Variants in AKAP11 observed in about 807,000 individuals in gnomAD.
AKAP11 encodes the protein A-kinase anchor protein 11.
A neutral mutation model predicts 146.1 loss-of-function variants in AKAP11; 36 were observed. The observed-to-expected ratio is 0.25, with a 90% confidence interval of 0.19 to 0.33. AKAP11 has a LOEUF of 0.33. AKAP11 is among the 10% of genes least tolerant of loss of function. The pLI is 1.00. For synonymous variants in AKAP11, 780 were observed against 786.5 expected (o/e 0.99, Z 0.14); for missense variants, 2,201 against 2,197.0 (o/e 1.00, Z -0.04).
chr13:42,302,158 CCTT>C lies in AKAP11; in HGVS notation c.3415_3417del (p.Ser1139del), dbSNP rs1268498186. The C allele has an allele frequency of 1.2e-6, 2 of 1,614,188 alleles. No individual in the cohort carries two copies. Among genetic ancestry groups the C allele is most frequent in the Middle Eastern group, 1.7e-4 (1 of 6,060 alleles). ...CAAAGAGTTTGCACCTGCTACACCACCTTCTACTCCACACAACTCATCTGTTGG... is the reference window on the plus strand; with the variant it reads ...CAAAGAGTTTGCACCTGCTACACCACCTACTCCACACAACTCATCTGTTGG... On this transcript the variant is annotated inframe_deletion, in exon 8 of 13. Coordinates refer to ENST00000025301, the MANE Select transcript of AKAP11 (RefSeq NM_016248.4).
rs1959473752 is a variant in AKAP11, at chr13:42,295,714, A to G, written c.188A>G (p.Asn63Ser). 6.2e-7 allele frequency: 1 copy of G among 1,611,008 alleles called. No individual in the cohort carries two copies. The highest frequency in any genetic ancestry group is 2.2e-5 in the East Asian group (1 of 44,816). The change falls in exon 5 of 13, where the codon AAT (asparagine) becomes AGT (serine). Residue 63 changes from asparagine (N) to serine (S), a missense_variant. Asn to Ser is a conservative substitution (Grantham distance 46). This residue lies in a region of AKAP11 where 331 missense variants were observed against 347.4 expected (regional missense o/e 0.95). Coordinates refer to ENST00000025301, the MANE Select transcript of AKAP11 (RefSeq NM_016248.4). ...NLTEVTFLGF[N>S]EETDAAHIQD... ...ACTCAGGTCACATTTCTGGGTTTTA[A>G]TGAAGAGACAGATGCTGCTCATATA...
chr13:42,297,318 G>C (rs1467095216), intron 6 of AKAP11, 136 bp downstream of exon 6: 2 of 606,424 alleles, frequency 3.3e-6, no homozygotes, highest in Non-Finnish European at 5.1e-6. Flanking sequence ...TGATTCATAA[G>C]AAATATAACT....
At position 42,302,096 on chromosome 13, in the gene AKAP11, T is replaced by A; in HGVS notation, c.3350T>A (p.Ile1117Asn). ...TCCCGGGCTAGTTCTGAATGGGATA[T>A]CAAGAAGTTAACTAAAAAGCTCAAG... is the stretch of plus-strand genomic sequence containing the variant. ...VPSRASSEWD[I>N]KKLTKKLKGE... Residue 1117 changes from isoleucine to asparagine, a missense_variant, in exon 8 of 13, where the codon ATC becomes AAC. By Grantham distance (149) the Ile-to-Asn change is moderately radical. Around this residue, in one of 3 missense-constraint regions of AKAP11, gnomAD observed 1,867 missense variants for 1,833.5 expected, o/e 1.02. Transcript: ENST00000025301. 6.2e-7 allele frequency: 1 copy of A among 1,614,144 alleles called. No individual in the cohort carries two copies. Among genetic ancestry groups the A allele is most frequent in the Non-Finnish European group, 8.5e-7 (1 of 1,180,020 alleles).
chr13:42,309,452 A>G (rs930049165), intron 9 of AKAP11, among the ~76,000 whole-genome samples: 1 of 152,208 alleles, frequency 6.6e-6, no homozygotes, highest in Non-Finnish European at 1.5e-5. Context: ...GGAAATGGCA[A>G]ACTAGGTGTG....
At chr13:42,303,993 C>G in intron 8 of AKAP11, 130 bp downstream of exon 8, 1 of 1,182,902 alleles carries the variant, frequency 8.5e-7, no homozygotes. Flanking sequence ...TTCCCTGTTG[C>G]ATTTATGTAT....
chr13:42,303,848 G>T lies in AKAP11; in HGVS notation c.5102G>T (p.Gly1701Val). Reference protein sequence around the residue: ...ETMTAAVTNVGHAVSSSKEIE... With the variant: ...ETMTAAVTNVVHAVSSSKEIE... ...ATGACAGCAGCTGTCACAAATGTTGGGCATGCTGTTAGCAGGTAAGTTTCA... is the reference window on the plus strand; with the variant it reads ...ATGACAGCAGCTGTCACAAATGTTGTGCATGCTGTTAGCAGGTAAGTTTCA... Residue 1701 changes from glycine to valine, a missense_variant, in exon 8 of 13, where the codon GGG becomes GTG. Gly to Val is a moderately radical substitution (Grantham distance 109). Coordinates refer to ENST00000025301, the MANE Select transcript of AKAP11 (RefSeq NM_016248.4). The T allele has an allele frequency of 6.3e-7, 1 of 1,579,292 alleles. No individual in the cohort carries two copies. Among genetic ancestry groups the T allele is most frequent in the Non-Finnish European group, 8.6e-7 (1 of 1,164,394 alleles).
upstream of AKAP11, among the ~76,000 whole-genome samples, chr13:42,271,541 C>A (rs1958768130): frequency 6.6e-6 from 1 of 152,196 alleles, no homozygotes; most frequent in South Asian, 2.1e-4. Context: ...GTGGGGCTGC[C>A]ACTTTGGGAA....
chr13:42,277,043 ATTTTAGT>A (rs919700131), intron 1 of AKAP11, among the ~76,000 whole-genome samples: 1 of 152,238 alleles, frequency 6.6e-6, no homozygotes, highest in Non-Finnish European at 1.5e-5. Flanking sequence ...CAATCTCAAG[ATTTTAGT>A]TTTTTGTTGT....
At chr13:42,275,508 A>G (rs1418145074) in intron 1 of AKAP11, among the ~76,000 whole-genome samples, 1 of 152,254 alleles carries the variant, frequency 6.6e-6, no homozygotes, top group African/African-American at 2.4e-5. Flanking sequence ...TAAACTGGCC[A>G]TGCCAACATA....
rs1960888543 is a variant in AKAP11 at position 42,317,705 on chromosome 13, C to T, written c.5565+17C>T. 1 of 1,609,770 alleles carries T rather than the reference C, an allele frequency of 6.2e-7. No homozygotes were observed. Among genetic ancestry groups the T allele is most frequent in the African/African-American group, 1.3e-5 (1 of 74,742 alleles). On this transcript the variant is annotated intron_variant, in intron 12 of 12. Coordinates refer to ENST00000025301, the MANE Select transcript of AKAP11 (RefSeq NM_016248.4). ...TTTATGCTAGTAAGTACCTACCTTA[C>T]AGAGTGTGAGGATACATTTAACAGT... is the stretch of plus-strand genomic sequence containing the variant.
At chr13:42,299,085 T>A (rs1033419414) in intron 7 of AKAP11, among the ~76,000 whole-genome samples, 11 of 152,084 alleles carry the variant, frequency 7.2e-5, no homozygotes, top group Non-Finnish European at 1.5e-4. Flanking sequence ...TTTGGAAGAG[T>A]TAGCTGGCAG....
chr13:42,315,191 C>T (rs1960762237), intron 11 of AKAP11, among the ~76,000 whole-genome samples: 2 of 152,070 alleles, frequency 1.3e-5, no homozygotes, highest in South Asian at 4.1e-4. Context: ...AGTTTAACAC[C>T]TTGTTTAGGG....
Position 42,301,433 on chromosome 13 carries a change from TTA to T in AKAP11, c.2688_2689del (p.Thr897LysfsTer4). 1 of 1,613,138 alleles carries T rather than the reference TTA, an allele frequency of 6.2e-7. No individual in the cohort carries two copies. The highest frequency in any genetic ancestry group is 8.5e-7 in the Non-Finnish European group (1 of 1,179,752). On this transcript the variant is annotated frameshift_variant, in exon 8 of 13. Coordinates refer to ENST00000025301, the MANE Select transcript of AKAP11 (RefSeq NM_016248.4). LOFTEE classifies it high-confidence loss of function. ...TTAGAGTCAATGACATCATTGGAAG[TTA>T]CAAAAATGGTTGATGAACGTACAGA...
intron 1 of AKAP11, among the ~76,000 whole-genome samples, chr13:42,272,871 C>T (rs1958812615): frequency 6.6e-6 from 1 of 152,208 alleles, no homozygotes; most frequent in Non-Finnish European, 1.5e-5. Context: ...ATCCAGGCAT[C>T]TAAGCTGCTT....
rs764680354 is a variant in AKAP11, at chr13:42,302,629, G to A, written c.3883G>A (p.Asp1295Asn). Residue 1295 changes from aspartate to asparagine, a missense_variant, in exon 8 of 13, where the codon GAC (aspartate) becomes AAC (asparagine). Around this residue, in one of 3 missense-constraint regions of AKAP11, gnomAD observed 1,867 missense variants for 1,833.5 expected, o/e 1.02. Transcript: ENST00000025301. ...GAAGAACAGTTGTTATGCTGATGGT[G>A]ACGAAGATTATAAAGTAGAAGAGAA... ...QKKNSCYADGDEDYKVEEKLD... is the reference protein window; with the variant it reads ...QKKNSCYADGNEDYKVEEKLD... 1 of 1,614,156 alleles carries A rather than the reference G, an allele frequency of 6.2e-7. No individual in the cohort carries two copies. Among genetic ancestry groups the A allele is most frequent in the South Asian group, 1.1e-5 (1 of 91,068 alleles).
rs551358561 is a variant in AKAP11, at chr13:42,319,994, T to C, written c.*766T>C. The C allele has an allele frequency of 6.6e-6, 1 of 152,336 alleles. No homozygotes were observed. Among genetic ancestry groups the C allele is most frequent in the South Asian group, 2.1e-4 (1 of 4,794 alleles). 9.4% of individuals were successfully genotyped at this position (152,336 alleles called of 1,614,324 possible). On this transcript the variant is annotated 3_prime_UTR_variant, in exon 13 of 13. Coordinates refer to ENST00000025301, the MANE Select transcript of AKAP11 (RefSeq NM_016248.4). ...TGCCAGTTTGTTCCCTCTTTTATTT[T>C]ACTGTTTTCTTTTTAGAAACCCACT...
chr13:42,290,544 T>C (rs1483122709), intron 3 of AKAP11, among the ~76,000 whole-genome samples: 1 of 152,232 alleles, frequency 6.6e-6, no homozygotes, highest in Non-Finnish European at 1.5e-5. Context: ...AGTAATTGCA[T>C]TGGGAGTTTA....
intron 3 of AKAP11, among the ~76,000 whole-genome samples, chr13:42,286,639 A>G (rs1959168630): frequency 6.6e-6 from 1 of 152,160 alleles, no homozygotes; most frequent in Non-Finnish European, 1.5e-5. Flanking sequence ...ATAGATATCC[A>G]TGTGCTTTTT....
intron 4 of AKAP11, 86 bp from the exon 5 acceptor site, chr13:42,295,605 TTGTC>T (rs1203553544): frequency 8.2e-7 from 1 of 1,217,372 alleles, no homozygotes; most frequent in East Asian, 2.3e-5. Flanking sequence ...TTTTAATGCT[TTGTC>T]TGTTTTTTCC....
Sources: gnomAD v4.1 joint callset for allele counts (sites outside exome capture counted in the v4.1 genomes callset) on GRCh38, gnomAD v4.1.1 for gene constraint, gnomAD v4.1.1 regional missense constraint, MANE v1.5 for transcripts, NCBI Gene and HGNC (gene_info 2026-07-23, HGNC 2026-07-21) for gene names.